The following RAD51B variants were observed in gnomAD, a reference collection of about 807,000 sequenced individuals.
RAD51B encodes RAD51 paralog B.
Under a neutral mutation model 42.2 loss-of-function variants are expected in RAD51B, and 38 were observed. That is an observed-to-expected ratio of 0.90 (90% confidence interval 0.70 to 1.18). RAD51B has a LOEUF of 1.18. RAD51B is among the 50% of genes most tolerant of loss of function. The probability of loss-of-function intolerance (pLI) is 0.00; values close to 1 mark genes in which losing one functional copy is unlikely to be tolerated. For missense variants in RAD51B, 373 were observed against 400.7 expected, an observed-to-expected ratio of 0.93 and a Z score of 0.59; for synonymous variants, 154 against 145.2, an observed-to-expected ratio of 1.06 and a Z score of -0.43.
At chr14:68,423,853 CTG>C (rs2084771017) in intron 9 of RAD51B, among the ~76,000 whole-genome samples, 1 of 152,162 alleles carries the variant, frequency 6.6e-6, no homozygotes, top group East Asian at 1.9e-4. Flanking sequence ...CTGTGTGGCT[CTG>C]TGTGGCAACA....
intron 7 of RAD51B, among the ~76,000 whole-genome samples, chr14:68,204,367 T>C (rs1028330675): frequency 6.6e-6 from 1 of 152,164 alleles, no homozygotes. Flanking sequence ...TATTTATCAA[T>C]TAAATTTGCT....
rs568366464 is a variant in RAD51B, at chr14:68,038,852, AC to A, written c.756+151649del. Among the ~76,000 whole-genome samples, 47 of 151,996 alleles carry A rather than the reference AC, an allele frequency of 3.1e-4. No individual in the cohort carries two copies. In the South Asian group the frequency reaches 9.6e-3, roughly 31 times the overall value. ...TTTAAAAACAAAGATAATACTCAAA[AC>A]TCAGTAATTATGTTTTACTACATTT... On this transcript the variant is annotated intron_variant, in intron 7 of 10. Transcript: ENST00000471583.
intron 7 of RAD51B, among the ~76,000 whole-genome samples, chr14:68,247,872 G>C (rs2080532680): frequency 6.6e-6 from 1 of 152,168 alleles, no homozygotes; most frequent in African/African-American, 2.4e-5. Flanking sequence ...TGCAAAAAGA[G>C]AACAATATAG....
At chr14:68,090,489 G>A (rs989789030) in intron 7 of RAD51B, among the ~76,000 whole-genome samples, 4 of 152,160 alleles carry the variant, frequency 2.6e-5, no homozygotes, top group South Asian at 4.1e-4. Context: ...GCCTTGGTTT[G>A]TAGAGAATAT....
chr14:67,950,707 A>T (rs2074427870), intron 7 of RAD51B, among the ~76,000 whole-genome samples: 2 of 152,166 alleles, frequency 1.3e-5, no homozygotes, highest in Non-Finnish European at 2.9e-5. Flanking sequence ...CGTCTTCCTC[A>T]TTAATCTTAA....
intron 10 of RAD51B, among the ~76,000 whole-genome samples, chr14:68,607,068 A>G (rs962233775): frequency 1.3e-5 from 2 of 152,214 alleles, no homozygotes; most frequent in African/African-American, 2.4e-5. Flanking sequence ...CCGTAATTTA[A>G]GTCCAGCCTC....
chr14:68,030,702 T>C (rs1002252611), intron 7 of RAD51B, among the ~76,000 whole-genome samples: 1 of 152,242 alleles, frequency 6.6e-6, no homozygotes, highest in Non-Finnish European at 1.5e-5. Context: ...AGATTTAATT[T>C]CCCTTAAGAA....
At chr14:68,371,777 G>C (rs1171729315) in intron 8 of RAD51B, among the ~76,000 whole-genome samples, 1 of 152,248 alleles carries the variant, frequency 6.6e-6, no homozygotes, top group African/African-American at 2.4e-5. Flanking sequence ...CTTGGGCCTG[G>C]AAGGCCAAGG....
chr14:68,257,841 A>G (rs1310262747), intron 7 of RAD51B, among the ~76,000 whole-genome samples: 4 of 152,184 alleles, frequency 2.6e-5, no homozygotes, highest in African/African-American at 4.8e-5. Flanking sequence ...TATTTCTTCC[A>G]TAACCCATGC....
chr14:68,124,524 G>T (rs34825117), intron 7 of RAD51B, among the ~76,000 whole-genome samples: 1 of 152,128 alleles, frequency 6.6e-6, no homozygotes, highest in African/African-American at 2.4e-5. Context: ...CAGCAAACTA[G>T]CTCCTTGATG....
intron 7 of RAD51B, among the ~76,000 whole-genome samples, chr14:68,113,304 T>TA (rs779832037): frequency 3.9e-5 from 6 of 152,068 alleles, no homozygotes; most frequent in Non-Finnish European, 8.8e-5. Context: ...AAACAACTCA[T>TA]AAGAAAAATA....
At chr14:68,120,233 G>T (rs1292325381) in intron 7 of RAD51B, among the ~76,000 whole-genome samples, 2 of 151,980 alleles carry the variant, frequency 1.3e-5, no homozygotes. Flanking sequence ...TTTGTCAGAT[G>T]AGTAGGTTGT....
intron 7 of RAD51B, among the ~76,000 whole-genome samples, chr14:67,942,696 T>G (rs183680699): frequency 3.3e-5 from 5 of 152,250 alleles, no homozygotes; most frequent in Admixed American, 2.6e-4. Context: ...GCCTGCCAAA[T>G]CTTCCAAAAG....
Position 68,311,779 on chromosome 14 carries a change from C to T in RAD51B, c.853+19799C>T, listed in dbSNP as rs569378790. ...GCATGTGCCTGTAATCCCAGCTACT[C>T]GGGAGGCTGAGGCAGGAGAATTGCT... is the stretch of plus-strand genomic sequence containing the variant. On this transcript the variant is annotated intron_variant, in intron 8 of 10. Coordinates refer to ENST00000471583, the MANE Select transcript of RAD51B (RefSeq NM_133510.4). Among the ~76,000 whole-genome samples, 16 of 152,252 alleles carry T rather than the reference C, an allele frequency of 1.1e-4. No homozygotes were observed. In the East Asian group the frequency reaches 1.2e-3, roughly 11 times the overall value.
intron 7 of RAD51B, among the ~76,000 whole-genome samples, chr14:67,987,961 C>A (rs538406736): frequency 6.6e-6 from 1 of 152,266 alleles, no homozygotes; most frequent in East Asian, 1.9e-4. Context: ...TTGGTTCTTT[C>A]TTTTTGAATT....
At chr14:68,674,038 A>T (rs1019777052) in intron 11 of RAD51B, among the ~76,000 whole-genome samples, 6 of 152,132 alleles carry the variant, frequency 3.9e-5, no homozygotes, top group Non-Finnish European at 7.4e-5. Context: ...CTGTATGCAC[A>T]CATATATACA....
At chr14:68,660,652 T>C (rs1892914103) in intron 11 of RAD51B, among the ~76,000 whole-genome samples, 1 of 152,172 alleles carries the variant, frequency 6.6e-6, no homozygotes. Flanking sequence ...TGTCTCCTGT[T>C]CTGTAAAGTG....
At chr14:68,041,994 G>C (rs1244420304) in intron 7 of RAD51B, among the ~76,000 whole-genome samples, 1 of 152,154 alleles carries the variant, frequency 6.6e-6, no homozygotes, top group Non-Finnish European at 1.5e-5. Flanking sequence ...GAATTTGATG[G>C]TTGGATCTGG....
rs79970712 is a variant in RAD51B at position 68,407,270 on chromosome 14, G to A, written c.854-4154G>A. The stretch of plus-strand genomic sequence containing the variant: ...TAAAAGTGTAGTAACTACATAACTG[G>A]TTTTTGTATTTACTAAACTGGTTAT... On this transcript the variant is annotated intron_variant, in intron 8 of 10. Transcript: ENST00000471583. 1.7e-4 allele frequency among the ~76,000 whole-genome samples: 26 copies of A among 152,114 alleles called. No individual in the cohort carries two copies. In the East Asian group the frequency reaches 5.0e-3, roughly 29 times the overall value.
Sources: gnomAD v4.1 joint callset for allele counts (sites outside exome capture counted in the v4.1 genomes callset) on GRCh38, gnomAD v4.1.1 for gene constraint, MANE v1.5 for transcripts, NCBI Gene and HGNC (gene_info 2026-07-23, HGNC 2026-07-21) for gene names.